IMPG1: variants seen among roughly 807,000 people sequenced by gnomAD.
The protein encoded by IMPG1 is interphotoreceptor matrix proteoglycan 1.
A neutral mutation model predicts 92.0 loss-of-function variants in IMPG1; 85 were observed. That is an observed-to-expected ratio of 0.92 (90% confidence interval 0.78 to 1.11). The LOEUF is 1.11. Among genes scored for constraint, IMPG1 ranks in the 50% least tolerant of loss-of-function variants. IMPG1 has a pLI of 0.00. For synonymous variants in IMPG1, 367 were observed against 334.1 expected (o/e 1.10, Z -1.08); for missense variants, 1,022 against 956.0 (o/e 1.07, Z -0.91).
At chr6:75,987,052 G>A (rs1782728350) in intron 12 of IMPG1, among the ~76,000 whole-genome samples, 1 of 152,196 alleles carries the variant, frequency 6.6e-6, no homozygotes, top group African/African-American at 2.4e-5. Context: ...GTCATGCCAA[G>A]CAGCAGGTTC....
intron 13 of IMPG1, among the ~76,000 whole-genome samples, 156 bp from the exon 14 acceptor site, chr6:75,947,689 C>T (rs1432565539): frequency 6.6e-6 from 1 of 151,940 alleles, no homozygotes; most frequent in Non-Finnish European, 1.5e-5. Flanking sequence ...GACCAGAATG[C>T]CACTACTTAA....
At chr6:76,063,095 T>C (rs1200659865) in intron 1 of IMPG1, among the ~76,000 whole-genome samples, 3 of 151,846 alleles carry the variant, frequency 2.0e-5, no homozygotes, top group African/African-American at 7.3e-5. Context: ...TCACAGCTAC[T>C]TGGGAGGCTG....
At chr6:76,050,953 C>T (rs1784033447) in intron 1 of IMPG1, among the ~76,000 whole-genome samples, 2 of 152,018 alleles carry the variant, frequency 1.3e-5, no homozygotes, top group African/African-American at 4.8e-5. Context: ...TTATGTCTTC[C>T]TAGGGGAAAA....
intron 1 of IMPG1, among the ~76,000 whole-genome samples, chr6:76,070,789 T>C (rs1240231871): frequency 6.6e-6 from 1 of 151,332 alleles, no homozygotes; most frequent in Non-Finnish European, 1.5e-5. Flanking sequence ...ACATAGAGAG[T>C]GGAACAATAG....
At chr6:75,956,489 T>C (rs112308708) in intron 12 of IMPG1, among the ~76,000 whole-genome samples, 2,206 of 152,324 alleles carry the variant, frequency 0.014, 29 homozygotes, top group Non-Finnish European at 0.024. Flanking sequence ...TTCTCTCTTT[T>C]CTTCTTTAGT....
At chr6:75,924,976 G>T (rs567833174) in intron 15 of IMPG1, among the ~76,000 whole-genome samples, 1 of 150,858 alleles carries the variant, frequency 6.6e-6, no homozygotes, top group South Asian at 2.1e-4. Context: ...GGGAGGGGAG[G>T]GAGGAGGGTA....
At chr6:76,012,707 C>A (rs1166137854) in intron 7 of IMPG1, among the ~76,000 whole-genome samples, 1 of 152,198 alleles carries the variant, frequency 6.6e-6, no homozygotes, top group Admixed American at 6.5e-5. Flanking sequence ...CTCTCCTATC[C>A]TTGTCCCCGG....
chr6:76,052,430 A>C (rs540315756), intron 1 of IMPG1, among the ~76,000 whole-genome samples: 2 of 152,228 alleles, frequency 1.3e-5, no homozygotes, highest in African/African-American at 4.8e-5. Flanking sequence ...GCATGAAATC[A>C]CTTGATAATG....
intron 14 of IMPG1, among the ~76,000 whole-genome samples, chr6:75,946,587 G>T (rs1047439943): frequency 1.3e-5 from 2 of 152,184 alleles, no homozygotes; most frequent in African/African-American, 2.4e-5. Flanking sequence ...TTCCCAATTT[G>T]GTCACAGCTG....
At chr6:76,026,547 G>T (rs527441978) in intron 4 of IMPG1, among the ~76,000 whole-genome samples, 3 of 152,190 alleles carry the variant, frequency 2.0e-5, no homozygotes, top group Non-Finnish European at 4.4e-5. Context: ...TGGTCCAAGG[G>T]TCCCACACAG....
In IMPG1 at chr6:75,929,934, C is replaced by G. The variant is rs1246533222; in HGVS notation, c.2243+1019G>C. On this transcript the variant is annotated intron_variant, in intron 15 of 16. Coordinates refer to ENST00000369950, the MANE Select transcript of IMPG1 (RefSeq NM_001563.4). ...TTTCTCCACTCAATTGTCTTGGCAC[C>G]CTTGTGGAAAATTAGTTACCTCATT... 3.9e-5 allele frequency among the ~76,000 whole-genome samples: 6 copies of G among 151,904 alleles called. No individual in the cohort carries two copies. In the East Asian group the frequency reaches 1.2e-3, roughly 29 times the overall value.
In IMPG1 at chr6:75,950,747, A is replaced by AGAAAT. The variant is rs2149457526; in HGVS notation, c.1634_1638dup (p.Leu547IlefsTer20). The AGAAAT allele has an allele frequency of 3.1e-6, 5 of 1,614,018 alleles. No homozygotes were observed. The highest frequency in any genetic ancestry group is 4.2e-6 in the Non-Finnish European group (5 of 1,179,922). On this transcript the variant is annotated frameshift_variant, in exon 13 of 17. Transcript: ENST00000369950. LOFTEE classifies it high-confidence loss of function. ...GCTGAGACAGGAGTGGTATCCTCCA[A>AGAAAT]GAAATGATCTGGGACAGAAACATAT...
chr6:75,991,207 C>G (rs1782808159), intron 12 of IMPG1, among the ~76,000 whole-genome samples: 1 of 152,058 alleles, frequency 6.6e-6, no homozygotes. Flanking sequence ...CCTGGTAACA[C>G]AGTGAAACCC....
chr6:75,997,826 C>T (rs183471495), intron 12 of IMPG1, among the ~76,000 whole-genome samples: 1 of 152,264 alleles, frequency 6.6e-6, no homozygotes, highest in East Asian at 1.9e-4. Flanking sequence ...TGGAGGGATT[C>T]CAGACATGCA....
chr6:76,051,156 TA>T (rs1784037264), intron 1 of IMPG1, among the ~76,000 whole-genome samples: 1 of 152,116 alleles, frequency 6.6e-6, no homozygotes, highest in Non-Finnish European at 1.5e-5. Flanking sequence ...CTAACCTTAC[TA>T]AAAAAAGTGA....
intron 12 of IMPG1, among the ~76,000 whole-genome samples, chr6:75,995,428 C>T (rs1366686214): frequency 3.3e-5 from 5 of 152,294 alleles, no homozygotes; most frequent in African/African-American, 9.6e-5. Flanking sequence ...GCTCTAGCTA[C>T]GATGGCTTTC....
chr6:75,942,456 A>C (rs906128262), intron 14 of IMPG1, among the ~76,000 whole-genome samples: 1 of 152,186 alleles, frequency 6.6e-6, no homozygotes, highest in Non-Finnish European at 1.5e-5. Flanking sequence ...GAGGATGGGC[A>C]CTGTTGTGTA....
intron 6 of IMPG1, among the ~76,000 whole-genome samples, chr6:76,021,778 C>CATATATATATATATATAT (rs140827081): frequency 0.25 from 12,398 of 49,204 alleles, 2,926 homozygotes; most frequent in Non-Finnish European, 0.28. Flanking sequence ...ACTTGGAGAG[C>CATATATATATATATATAT]ATATATATAT....
In IMPG1 at chr6:75,951,960, A is replaced by C. The variant is rs144449784; in HGVS notation, c.1292-866T>G. ...CTGTCTCAAAATAATAATAATAATA[A>C]TAATAAAATACAGTAAAAAACCTTT... On this transcript the variant is annotated intron_variant, in intron 12 of 16. Transcript: ENST00000369950. 5.5e-4 allele frequency among the ~76,000 whole-genome samples: 83 copies of C among 152,134 alleles called. 1 individual carries two copies. The East Asian group carries it at 0.015, about 27-fold the overall frequency.
Sources: gnomAD v4.1 joint callset for allele counts (sites outside exome capture counted in the v4.1 genomes callset) on GRCh38, gnomAD v4.1.1 for gene constraint, MANE v1.5 for transcripts, NCBI Gene and HGNC (gene_info 2026-07-23, HGNC 2026-07-21) for gene names.